The following ANAPC10 variants were observed in gnomAD, a reference collection of about 807,000 sequenced individuals.
The protein encoded by ANAPC10 is anaphase promoting complex subunit 10.
ANAPC10 carries 12 observed loss-of-function variants against 22.0 expected under a neutral mutation model. The ratio of observed to expected loss-of-function variants is 0.55; its 90% confidence interval spans 0.35 to 0.88. The LOEUF is 0.88. Ranked by LOEUF, ANAPC10 falls within the 40% of genes least tolerant of loss-of-function variation. The pLI, the probability that ANAPC10 is intolerant of heterozygous loss-of-function variation, is 0.01. For missense variants in ANAPC10, 188 were observed against 220.9 expected (o/e 0.85, Z 0.94); for synonymous variants, 65 against 69.5 (o/e 0.94, Z 0.32).
At chr4:145,025,039 T>C (rs982314587) in intron 4 of ANAPC10, among the ~76,000 whole-genome samples, 1 of 152,198 alleles carries the variant, frequency 6.6e-6, no homozygotes, top group African/African-American at 2.4e-5. Flanking sequence ...ATTTTTTCCT[T>C]AAATCTCATG....
At chr4:145,068,103 T>G (rs1369638481) in intron 3 of ANAPC10, among the ~76,000 whole-genome samples, 1 of 152,144 alleles carries the variant, frequency 6.6e-6, no homozygotes, top group Middle Eastern at 3.2e-3. Context: ...ACAAACACAC[T>G]GTGAGGCTGC....
At chr4:145,097,642 G>A in intron 1 of ANAPC10, 1 of 701,242 alleles carries the variant, frequency 1.4e-6, no homozygotes, top group Non-Finnish European at 2.2e-6. Flanking sequence ...TTTACTGAAT[G>A]AATAAACAGA....
intron 4 of ANAPC10, among the ~76,000 whole-genome samples, chr4:145,040,469 A>G (rs1739349232): frequency 6.6e-6 from 1 of 152,192 alleles, no homozygotes; most frequent in Non-Finnish European, 1.5e-5. Context: ...TTTAAGACCT[A>G]TAAAAACATA....
intron 4 of ANAPC10, among the ~76,000 whole-genome samples, chr4:144,999,772 T>A (rs895995057): frequency 6.6e-6 from 1 of 152,164 alleles, no homozygotes; most frequent in Admixed American, 6.5e-5. Flanking sequence ...AGAACAAAGT[T>A]GGAGGCATCA....
chr4:145,077,394 G>A lies in ANAPC10; in HGVS notation c.206+4266C>T, dbSNP rs1267879202. 1.3e-5 allele frequency among the ~76,000 whole-genome samples: 2 copies of A among 152,002 alleles called. 1 individual carries two copies. The highest frequency in any genetic ancestry group is 3.9e-4 in the East Asian group (2 of 5,194). On this transcript the variant is annotated intron_variant, in intron 3 of 4. Coordinates refer to ENST00000507656, the MANE Select transcript of ANAPC10 (RefSeq NM_001256706.2). ...TGTCCATGAAAATTTCCCCGATCTC[G>A]CTAAGGAGGTCAACATTCAAATTCA...
chr4:145,011,139 C>A (rs1004939170), intron 4 of ANAPC10, among the ~76,000 whole-genome samples: 5 of 151,904 alleles, frequency 3.3e-5, no homozygotes, highest in Admixed American at 1.3e-4. Flanking sequence ...CGAGACCAAC[C>A]TGGCCAAAAC....
intron 4 of ANAPC10, among the ~76,000 whole-genome samples, chr4:145,050,852 G>A (rs555740213): frequency 1.4e-4 from 21 of 152,306 alleles, no homozygotes; most frequent in African/African-American, 4.8e-4. Context: ...GAATGTTGTA[G>A]CTGGTTTAAT....
chr4:145,029,181 C>T (rs1737178774), intron 4 of ANAPC10, among the ~76,000 whole-genome samples: 1 of 151,982 alleles, frequency 6.6e-6, no homozygotes, highest in African/African-American at 2.4e-5. Flanking sequence ...AGGTTTTTTG[C>T]CAGAAGAAAG....
intron 4 of ANAPC10, among the ~76,000 whole-genome samples, chr4:145,042,812 T>A (rs1739706108): frequency 1.3e-5 from 2 of 152,034 alleles, no homozygotes; most frequent in African/African-American, 4.8e-5. Flanking sequence ...GGTTTTCTGT[T>A]TTTTTTGGAT....
intron 4 of ANAPC10, among the ~76,000 whole-genome samples, chr4:145,009,413 C>T (rs992209893): frequency 1.2e-4 from 18 of 151,822 alleles, no homozygotes; most frequent in African/African-American, 3.6e-4. Context: ...GCAGGCATCA[C>T]GCTACTTCAC....
At chr4:145,026,926 T>C (rs1374432858) in intron 4 of ANAPC10, among the ~76,000 whole-genome samples, 352 of 26,910 alleles carry the variant, frequency 0.013, 13 homozygotes, top group African/African-American at 0.046. Context: ...CATACATATA[T>C]ATATATATAT....
intron 2 of ANAPC10, among the ~76,000 whole-genome samples, chr4:145,086,119 C>A (rs554352748): frequency 1.3e-5 from 2 of 152,230 alleles, no homozygotes; most frequent in Admixed American, 1.3e-4. Context: ...CCTGCCAACA[C>A]GCCCAGCTAA....
At chr4:145,037,697 A>G (rs965155062) in intron 4 of ANAPC10, among the ~76,000 whole-genome samples, 4 of 152,126 alleles carry the variant, frequency 2.6e-5, no homozygotes, top group African/African-American at 9.7e-5. Flanking sequence ...CTATAATCCC[A>G]TGTCTTTCGG....
At chr4:144,999,756 G>A (rs1184778768) in intron 4 of ANAPC10, among the ~76,000 whole-genome samples, 1 of 152,076 alleles carries the variant, frequency 6.6e-6, no homozygotes, top group Non-Finnish European at 1.5e-5. Context: ...ACAATCCTAC[G>A]CAAAAAGAAC....
chr4:145,041,738 A>G (rs1320748150), intron 4 of ANAPC10, among the ~76,000 whole-genome samples: 3 of 152,238 alleles, frequency 2.0e-5, no homozygotes, highest in Non-Finnish European at 4.4e-5. Context: ...TCTATTGACT[A>G]AAATTTAATA....
intron 4 of ANAPC10, among the ~76,000 whole-genome samples, chr4:145,054,415 G>A (rs528767636): frequency 7.5e-4 from 114 of 151,212 alleles, no homozygotes; most frequent in Non-Finnish European, 1.5e-3. Context: ...AAAATTAGCC[G>A]GGCATGGTGG....
intron 4 of ANAPC10, among the ~76,000 whole-genome samples, chr4:145,005,220 A>G (rs981235877): frequency 6.6e-6 from 1 of 152,052 alleles, no homozygotes; most frequent in African/African-American, 2.4e-5. Flanking sequence ...CTGGCTAAAA[A>G]GAATGTATCT....
At chr4:145,055,874 T>C (rs1387547151) in intron 4 of ANAPC10, among the ~76,000 whole-genome samples, 12 of 152,222 alleles carry the variant, frequency 7.9e-5, no homozygotes. Flanking sequence ...ACTACTGAAC[T>C]AACTACATAA....
chr4:145,046,515 A>G (rs570683615), intron 4 of ANAPC10, among the ~76,000 whole-genome samples: 2 of 152,268 alleles, frequency 1.3e-5, no homozygotes, highest in East Asian at 1.9e-4. Context: ...AATATCTAAT[A>G]TTTTGACACA....
Sources: gnomAD v4.1 joint callset for allele counts (sites outside exome capture counted in the v4.1 genomes callset) on GRCh38, gnomAD v4.1.1 for gene constraint, MANE v1.5 for transcripts, NCBI Gene and HGNC (gene_info 2026-07-23, HGNC 2026-07-21) for gene names.